The following LIPC variants were observed in gnomAD, a reference collection of about 807,000 sequenced individuals.
LIPC encodes lipase C, hepatic type.
LIPC carries 44 observed loss-of-function variants against 50.7 expected under a neutral mutation model. The ratio of observed to expected loss-of-function variants is 0.87; its 90% CI spans 0.68 to 1.11. The LOEUF (loss-of-function observed/expected upper bound fraction) is 1.11, where lower values mean the gene tolerates loss of function less well. Ranked by LOEUF, LIPC falls within the 50% of genes most tolerant of loss-of-function variation. LIPC has a pLI of 0.00. For missense variants in LIPC, 697 were observed against 648.2 expected (o/e 1.08, Z -0.82); for synonymous variants, 271 against 256.4 (o/e 1.06, Z -0.54).
chr15:58,543,690 G>A (rs1893420494), intron 4 of LIPC, among the ~76,000 whole-genome samples: 2 of 152,086 alleles, frequency 1.3e-5, no homozygotes, highest in African/African-American at 4.8e-5. Flanking sequence ...AGGCTGGTGT[G>A]CAATGGCATG....
intron 1 of LIPC, among the ~76,000 whole-genome samples, chr15:58,487,501 G>A (rs1369946370): frequency 1.3e-5 from 2 of 152,236 alleles, no homozygotes; most frequent in African/African-American, 4.8e-5. Flanking sequence ...TGAAGCAATA[G>A]ACGGCCCCTT....
intron 1 of LIPC, among the ~76,000 whole-genome samples, chr15:58,516,821 T>G (rs1234668993): frequency 6.6e-6 from 1 of 152,238 alleles, no homozygotes; most frequent in African/African-American, 2.4e-5. Flanking sequence ...TGGTTTTGAT[T>G]GATTGATTTT....
chr15:58,436,269 G>A (rs1225787364), intron 1 of LIPC: 1 of 159,156 alleles, frequency 6.3e-6, no homozygotes. Context: ...AACAAAAAAT[G>A]ATAGCGTAGT....
chr15:58,434,012 G>C (rs1183211360), intron 1 of LIPC, among the ~76,000 whole-genome samples: 1 of 151,996 alleles, frequency 6.6e-6, no homozygotes, highest in Non-Finnish European at 1.5e-5. Flanking sequence ...TACACCAATG[G>C]TTCTCAACAG....
intron 8 of LIPC, chr15:58,566,553 T>A (rs1412326785): frequency 1.5e-6 from 1 of 659,852 alleles, no homozygotes; most frequent in African/African-American, 2.0e-5. Flanking sequence ...ACACTCGTAA[T>A]ATCGCTGCTA....
intron 1 of LIPC, 86 bp downstream of exon 1, chr15:58,432,206 T>C: frequency 9.8e-7 from 1 of 1,022,142 alleles, no homozygotes; most frequent in Non-Finnish European, 1.6e-6. Context: ...TTTCTGACTG[T>C]ATGGGACAGA....
chr15:58,526,315 G>C (rs1205384211), intron 1 of LIPC, among the ~76,000 whole-genome samples: 1 of 152,262 alleles, frequency 6.6e-6, no homozygotes. Context: ...CCTGGCTGGA[G>C]TGTTTTGCAG....
In LIPC at chr15:58,525,881, A is replaced by ACCACCAATG. The variant is rs1400986975; in HGVS notation, c.89-12445_89-12437dup. Among the ~76,000 whole-genome samples, 4 of 152,362 alleles carry ACCACCAATG rather than the reference A, an allele frequency of 2.6e-5. No individual in the cohort carries two copies. The East Asian group carries it at 7.7e-4, about 29-fold the overall frequency. The stretch of plus-strand genomic sequence containing the variant: ...AGCAATATCAATGCCTACTTCTACT[A>ACCACCAATG]CCACCAATGCCACCAGGGCCACCTT... On this transcript the variant is annotated intron_variant, in intron 1 of 8. Transcript: ENST00000299022.
At chr15:58,470,532 A>G (rs1490838269) in intron 1 of LIPC, among the ~76,000 whole-genome samples, 2 of 152,170 alleles carry the variant, frequency 1.3e-5, no homozygotes, top group African/African-American at 4.8e-5. Flanking sequence ...CCTACTTTGA[A>G]AAGTAGTACA....
At chr15:58,529,780 TG>T (rs1892903018) in intron 1 of LIPC, among the ~76,000 whole-genome samples, 3 of 152,126 alleles carry the variant, frequency 2.0e-5, no homozygotes, top group Non-Finnish European at 2.9e-5. Flanking sequence ...CCTGGATGCA[TG>T]GTTTGGGGCA....
intron 1 of LIPC, among the ~76,000 whole-genome samples, chr15:58,530,997 T>C (rs1208036756): frequency 6.6e-6 from 1 of 152,234 alleles, no homozygotes; most frequent in Non-Finnish European, 1.5e-5. Context: ...GACATATGTT[T>C]CCATTTCTCT....
chr15:58,447,493 C>A (rs1464864342), intron 1 of LIPC, among the ~76,000 whole-genome samples: 1 of 152,158 alleles, frequency 6.6e-6, no homozygotes, highest in African/African-American at 2.4e-5. Context: ...TCTGTGGAAC[C>A]AGAAAACCAC....
At chr15:58,556,674 T>A (rs577073285) in intron 6 of LIPC, among the ~76,000 whole-genome samples, 1 of 152,232 alleles carries the variant, frequency 6.6e-6, no homozygotes, top group Non-Finnish European at 1.5e-5. Flanking sequence ...TCATAAGCAT[T>A]GAAATCATTC....
intron 1 of LIPC, among the ~76,000 whole-genome samples, chr15:58,459,609 A>G (rs1374617077): frequency 2.0e-5 from 3 of 152,210 alleles, no homozygotes; most frequent in Non-Finnish European, 2.9e-5. Context: ...CTGGAGTCAT[A>G]TTAAGCAATT....
chr15:58,456,704 C>G (rs1184110666), intron 1 of LIPC, among the ~76,000 whole-genome samples: 2 of 152,254 alleles, frequency 1.3e-5, no homozygotes, highest in African/African-American at 4.8e-5. Flanking sequence ...AGGTAGATGT[C>G]TGGTCTCTCT....
chr15:58,545,789 C>A lies in LIPC; in HGVS notation c.622C>A (p.Arg208Ser). ...GTTTGAGGGAAGTGCCCCCAGCAAT[C>A]GTCTTTCTCCAGATGATGCCAATTT... The part of the protein sequence containing the change: ...PLFEGSAPSN[R>S]LSPDDANFVD... Residue 208 changes from arginine (R) to serine (S), a missense_variant, in exon 5 of 9, where the codon CGT becomes AGT. Coordinates refer to ENST00000299022, the MANE Select transcript of LIPC (RefSeq NM_000236.3). The A allele has an allele frequency of 6.2e-7, 1 of 1,614,200 alleles. No homozygotes were observed.
intron 1 of LIPC, among the ~76,000 whole-genome samples, chr15:58,456,506 C>T (rs62001833): frequency 2.0e-5 from 3 of 152,224 alleles, no homozygotes; most frequent in Non-Finnish European, 4.4e-5. Context: ...AAGGACAGGG[C>T]ACATCTCCCC....
chr15:58,508,590 G>A (rs1892233550), intron 1 of LIPC, among the ~76,000 whole-genome samples: 1 of 152,140 alleles, frequency 6.6e-6, no homozygotes, highest in South Asian at 2.1e-4. Context: ...GAACAAATTA[G>A]TTAATATGGG....
rs115224676 is a variant in LIPC, at chr15:58,448,386, G to A, written c.88+16266G>A. 9.9e-3 allele frequency among the ~76,000 whole-genome samples: 1,503 copies of A among 152,302 alleles called. 23 individuals carry two copies. The highest frequency in any genetic ancestry group is 0.033 in the African/African-American group (1,385 of 41,560). ...TAGCTCAGGACTGGGGCTTTCTGGG[G>A]CTCACCTACAGTCTTCCTCCTTTCC... is the stretch of plus-strand genomic sequence containing the variant. On this transcript the variant is annotated intron_variant, in intron 1 of 8. Coordinates refer to ENST00000299022, the MANE Select transcript of LIPC (RefSeq NM_000236.3).
Sources: allele counts gnomAD v4.1 joint callset (sites outside exome capture counted in the v4.1 genomes callset), GRCh38; gene constraint gnomAD v4.1.1; transcripts MANE v1.5; gene names NCBI Gene and HGNC (gene_info 2026-07-23, HGNC 2026-07-21).